The following USP24 variants were observed in gnomAD, a reference collection of about 807,000 sequenced individuals.
The protein encoded by USP24 is ubiquitin carboxyl-terminal hydrolase 24.
A neutral mutation model predicts 361.6 loss-of-function variants in USP24; 97 were observed. That is an observed-to-expected ratio of 0.27 (90% confidence interval 0.23 to 0.32). USP24 has a LOEUF of 0.32. Among genes scored for constraint, USP24 ranks in the 10% least tolerant of loss-of-function variants. The probability of loss-of-function intolerance (pLI) is 1.00; values close to 1 mark genes in which losing one functional copy is unlikely to be tolerated. For missense variants in USP24, 2,353 were observed against 3,165.6 expected, an observed-to-expected ratio of 0.74 and a Z score of 6.16; for synonymous variants, 1,098 against 1,124.6, an observed-to-expected ratio of 0.98 and a Z score of 0.47.
intron 34 of USP24, among the ~76,000 whole-genome samples, chr1:55,124,938 G>C (rs1646384637): frequency 6.6e-6 from 1 of 151,994 alleles, no homozygotes; most frequent in Non-Finnish European, 1.5e-5. Context: ...TTGCACATGT[G>C]CTCCCTTTTG....
chr1:55,147,682 C>G lies in USP24; in HGVS notation c.2085G>C (p.Ser695=), dbSNP rs201036785. The G allele has an allele frequency of 3.4e-4, 552 of 1,610,146 alleles. 3 individuals carry two copies. Among genetic ancestry groups the G allele is most frequent in the South Asian group, 2.2e-3 (198 of 90,542 alleles). The change falls in exon 18 of 68, where the codon TCG becomes TCC. Residue 695 remains serine, a synonymous_variant. Transcript: ENST00000294383. ...AAGTGTACCGGCCATCCACTAGTGT[C>G]GAGCCACTTAAGCCTCCAGGCCCGG... ...AVAGPGGLSG[S]TLVDGRYTYR... is the part of the protein sequence containing the mutation.
chr1:55,114,374 C>T (rs1570440147), intron 38 of USP24, among the ~76,000 whole-genome samples: 1 of 152,178 alleles, frequency 6.6e-6, no homozygotes, highest in South Asian at 2.1e-4. Flanking sequence ...ACTTTCTTCA[C>T]AGAATTAGAG....
At chr1:55,153,778 AC>A (rs1647339809) in intron 16 of USP24, 91 bp downstream of exon 16, 2 of 1,287,554 alleles carry the variant, frequency 1.6e-6, no homozygotes, top group African/African-American at 3.1e-5. Context: ...AAACACTAAA[AC>A]ATACTATTAT....
intron 1 of USP24, among the ~76,000 whole-genome samples, chr1:55,186,498 A>G (rs1644135310): frequency 6.6e-6 from 1 of 152,224 alleles, no homozygotes; most frequent in African/African-American, 2.4e-5. Flanking sequence ...ATTATTCACA[A>G]TAGCCAAAAG....
At chr1:55,111,670 C>T (rs748652696) in intron 38 of USP24, among the ~76,000 whole-genome samples, 1 of 152,038 alleles carries the variant, frequency 6.6e-6, no homozygotes, top group Non-Finnish European at 1.5e-5. Flanking sequence ...TTTTTTATTA[C>T]CATAAATATA....
rs113494199 is a variant in USP24 at position 55,103,024 on chromosome 1, G to C, written c.5025+852C>G. 2.2e-3 allele frequency among the ~76,000 whole-genome samples: 341 copies of C among 152,282 alleles called. 1 individual carries two copies. Among genetic ancestry groups the C allele is most frequent in the African/African-American group, 8.1e-3 (337 of 41,554 alleles). On this transcript the variant is annotated intron_variant, in intron 42 of 67. Transcript: ENST00000294383. ...GTAATACTTAACTCAGGCATCCAAA[G>C]GGTAAGTCTGACTTTCTGTGATGTC...
rs1008923013 is a variant in USP24, at chr1:55,159,026, C to T, written c.1079G>A (p.Ser360Asn). 1.3e-6 allele frequency: 2 copies of T among 1,523,020 alleles called. No homozygotes were observed. Among genetic ancestry groups the T allele is most frequent in the Non-Finnish European group, 1.8e-6 (2 of 1,134,658 alleles). The allele number at this position is 1,523,020 out of a possible 1,614,324, so 94.3% of individuals were successfully genotyped here. Residue 360 changes from serine to asparagine, a missense_variant, in exon 10 of 68, where the codon AGC becomes AAC. By Grantham distance (46) the Ser-to-Asn change is conservative. This residue lies in a region of USP24 where 386 missense variants were observed against 560.5 expected (regional missense o/e 0.69). Transcript: ENST00000294383. Reference protein sequence around the residue: ...EKDLKDKRLVSIPELLSAVKL... With the variant: ...EKDLKDKRLVNIPELLSAVKL... Reference sequence around the variant, plus strand: ...AACGGCAGACAAGAGCTCAGGGATGCTAACCAATCTCTTTTATTGAATAAA... The same window carrying T: ...AACGGCAGACAAGAGCTCAGGGATGTTAACCAATCTCTTTTATTGAATAAA...
rs1451937255 is a variant in USP24 at position 55,107,227 on chromosome 1, A to G, written c.4762+12T>C. The G allele has an allele frequency of 1.2e-6, 2 of 1,605,606 alleles. No individual in the cohort carries two copies. The highest frequency in any genetic ancestry group is 2.2e-5 in the South Asian group (2 of 89,558). On this transcript the variant is annotated intron_variant, in intron 40 of 67. Coordinates refer to ENST00000294383, the MANE Select transcript of USP24 (RefSeq NM_015306.3). ...AAGAATCTGCCATGTGATAAGATGGAGCAATAATTACCAAGCATTTCCTTT... is the reference window on the plus strand; with the variant it reads ...AAGAATCTGCCATGTGATAAGATGGGGCAATAATTACCAAGCATTTCCTTT...
intron 16 of USP24, among the ~76,000 whole-genome samples, chr1:55,150,532 C>A (rs985779971): frequency 6.6e-6 from 1 of 152,080 alleles, no homozygotes; most frequent in African/African-American, 2.4e-5. Context: ...CAAACAGATA[C>A]CTTCCCAAAA....
chr1:55,152,620 T>C (rs552673848), intron 16 of USP24, among the ~76,000 whole-genome samples: 2 of 152,328 alleles, frequency 1.3e-5, no homozygotes, highest in South Asian at 2.1e-4. Flanking sequence ...CTAAGTTATT[T>C]GAATCACTGA....
chr1:55,214,907 G>GC lies in USP24; in HGVS notation c.206dup (p.Arg71AlafsTer7). 7.8e-7 allele frequency: 1 copy of GC among 1,284,494 alleles called. No homozygotes were observed. Among genetic ancestry groups the GC allele is most frequent in the Non-Finnish European group, 9.9e-7 (1 of 1,008,246 alleles). The allele number at this position is 1,284,494 out of a possible 1,614,324, so 79.6% of individuals were successfully genotyped here. A position where few individuals can be genotyped will look rare whatever the true frequency, so the allele number is the denominator to read the frequency against. ...CGTCACCTCCGCCGTCGCCCCGCGG[G>GC]CCCCCGCCGGGCCCGGGGCTGGGGC... On this transcript the variant is annotated frameshift_variant, in exon 1 of 68. Transcript: ENST00000294383. LOFTEE classifies it high-confidence loss of function.
chr1:55,072,962 CTTTATA>C, intron 64 of USP24, 101 bp from the exon 65 acceptor site: 1 of 1,181,754 alleles, frequency 8.5e-7, no homozygotes, highest in South Asian at 1.5e-5. Context: ...ATTCAGTTGT[CTTTATA>C]TTTGTGATTC....
chr1:55,089,977 C>T (rs552483326), intron 54 of USP24, among the ~76,000 whole-genome samples: 2 of 152,216 alleles, frequency 1.3e-5, no homozygotes, highest in South Asian at 4.1e-4. Context: ...CATCTTTCCC[C>T]ACAAACAAAA....
chr1:55,152,684 T>G lies in USP24; in HGVS notation c.1860+1186A>C, dbSNP rs1647248819. Among the ~76,000 whole-genome samples the G allele has an allele frequency of 2.6e-5, 4 of 152,292 alleles. No individual in the cohort carries two copies. The South Asian group carries it at 6.2e-4, about 24-fold the overall frequency. On this transcript the variant is annotated intron_variant, in intron 16 of 67. Coordinates refer to ENST00000294383, the MANE Select transcript of USP24 (RefSeq NM_015306.3). ...TATCTGAGTGAAAAGAAAGCAATGTTATTGAGTTAAAAGAAAAATTCCTCA... is the reference window on the plus strand; with the variant it reads ...TATCTGAGTGAAAAGAAAGCAATGTGATTGAGTTAAAAGAAAAATTCCTCA...
In USP24 at chr1:55,095,466, A is replaced by G. The variant is rs192519207; in HGVS notation, c.6062-70T>C. 2.1e-4 allele frequency: 305 copies of G among 1,474,428 alleles called. No individual in the cohort carries two copies. In the African/African-American group the frequency reaches 3.9e-3, roughly 19 times the overall value. The allele number at this position is 1,474,428 out of a possible 1,614,324, so 91.3% of individuals were successfully genotyped here. ...TTCTTGTCTTGACAATCTAAAACAA[A>G]GGGCCCATTATTCCAGCAAGTAGTT... On this transcript the variant is annotated intron_variant, in intron 50 of 67. Coordinates refer to ENST00000294383, the MANE Select transcript of USP24 (RefSeq NM_015306.3).
intron 1 of USP24, among the ~76,000 whole-genome samples, chr1:55,181,773 C>A (rs1007827044): frequency 6.6e-6 from 1 of 152,164 alleles, no homozygotes; most frequent in Non-Finnish European, 1.5e-5. Context: ...GTGTTAAGGA[C>A]TGAATTGTGT....
intron 38 of USP24, among the ~76,000 whole-genome samples, chr1:55,118,479 G>A (rs1236989400): frequency 6.6e-6 from 1 of 152,128 alleles, no homozygotes; most frequent in Non-Finnish European, 1.5e-5. Flanking sequence ...ACACCTAAAT[G>A]TAAGAACTAA....
chr1:55,096,458 TAAAA>T (rs756981822), intron 50 of USP24, 36 bp downstream of exon 50: 3 of 1,444,698 alleles, frequency 2.1e-6, no homozygotes, highest in East Asian at 2.5e-5. Flanking sequence ...AAACGATAAA[TAAAA>T]AAACTAATGG....
intron 56 of USP24, among the ~76,000 whole-genome samples, chr1:55,085,074 CA>C (rs1645223753): frequency 6.6e-6 from 1 of 152,054 alleles, no homozygotes; most frequent in Admixed American, 6.6e-5. Context: ...CTATATTTTG[CA>C]TCTAGGTAGG....
Sources: gnomAD v4.1 joint callset for allele counts (sites outside exome capture counted in the v4.1 genomes callset) on GRCh38, gnomAD v4.1.1 for gene constraint, gnomAD v4.1.1 regional missense constraint, MANE v1.5 for transcripts, NCBI Gene and HGNC (gene_info 2026-07-23, HGNC 2026-07-21) for gene names.